Variants in CAPN13 observed in about 807,000 individuals in gnomAD.
CAPN13 encodes the protein calpain-13.
In CAPN13, 90 loss-of-function variants were observed where a neutral mutation model predicts 98.4. The observed-to-expected ratio is 0.92, with a 90% CI of 0.77 to 1.09. CAPN13 has a LOEUF of 1.09. Among genes scored for constraint, CAPN13 ranks in the 50% least tolerant of loss-of-function variants. The probability of loss-of-function intolerance (pLI) is 0.00; values close to 1 mark genes in which losing one functional copy is unlikely to be tolerated. For synonymous variants in CAPN13, 330 were observed against 305.5 expected, an observed-to-expected ratio of 1.08 and a Z score of -0.84; for missense variants, 887 against 841.3, an observed-to-expected ratio of 1.05 and a Z score of -0.67.
chr2:30,782,347 G>A (rs1256682896), intron 2 of CAPN13, among the ~76,000 whole-genome samples: 2 of 152,242 alleles, frequency 1.3e-5, no homozygotes, highest in African/African-American at 2.4e-5. Context: ...TGGGACAGGT[G>A]TCAGCGTCAC....
chr2:30,732,428 G>A lies in CAPN13; in HGVS notation c.1927+10C>T. ...CCAAGGTCTCTGGGATGCCCCTTGG[G>A]GACACTTACTTGCCATGGCTTCAAG... On this transcript the variant is annotated intron_variant, in intron 20 of 22. Coordinates refer to ENST00000295055, the MANE Select transcript of CAPN13 (RefSeq NM_144575.3). 1 of 1,613,020 alleles carries A rather than the reference G, an allele frequency of 6.2e-7. No individual in the cohort carries two copies. The highest frequency in any genetic ancestry group is 8.5e-7 in the Non-Finnish European group (1 of 1,179,774).
Position 30,790,963 on chromosome 2 carries a change from G to A in CAPN13, c.-32-3606C>T, listed in dbSNP as rs966695195. On this transcript the variant is annotated intron_variant, in intron 1 of 22. Coordinates refer to ENST00000295055, the MANE Select transcript of CAPN13 (RefSeq NM_144575.3). ...TCCTCACTTTTATGATCTCTTTTAAGCTTAATTGCCTCTTAAAGACCTTAT... is the reference window on the plus strand; with the variant it reads ...TCCTCACTTTTATGATCTCTTTTAAACTTAATTGCCTCTTAAAGACCTTAT... Among the ~76,000 whole-genome samples the A allele has an allele frequency of 5.3e-5, 8 of 152,006 alleles. 1 individual carries two copies. Among genetic ancestry groups the A allele is most frequent in the Admixed American group, 5.2e-4 (8 of 15,248 alleles).
chr2:30,763,207 A>G, intron 6 of CAPN13, 51 bp from the exon 7 acceptor site: 1 of 1,528,640 alleles, frequency 6.5e-7, no homozygotes, highest in South Asian at 1.2e-5. Context: ...GGTTCTTCAA[A>G]GAAATAGAAA....
chr2:30,792,486 A>G (rs1450551778), intron 1 of CAPN13, among the ~76,000 whole-genome samples: 2 of 152,124 alleles, frequency 1.3e-5, no homozygotes, highest in East Asian at 3.8e-4. Flanking sequence ...CTTGAAAAAT[A>G]CAATTTATCA....
intron 11 of CAPN13, chr2:30,746,589 C>A: frequency 1.1e-5 from 2 of 190,444 alleles, no homozygotes; most frequent in South Asian, 1.1e-4. Context: ...ACACATCTCC[C>A]CATGCTTGTG....
At chr2:30,767,520 A>C (rs890474779) in intron 5 of CAPN13, among the ~76,000 whole-genome samples, 1 of 152,150 alleles carries the variant, frequency 6.6e-6, no homozygotes, top group African/African-American at 2.4e-5. Flanking sequence ...GTTTTTACAT[A>C]AGGATAAAAC....
intron 2 of CAPN13, among the ~76,000 whole-genome samples, chr2:30,781,463 C>T (rs1572863786): frequency 6.6e-6 from 1 of 152,328 alleles, no homozygotes; most frequent in Non-Finnish European, 1.5e-5. Flanking sequence ...GGTGCTTCCA[C>T]ATGACTTTAA....
At chr2:30,751,397 C>G in intron 10 of CAPN13, 146 bp from the exon 11 acceptor site, 1 of 808,910 alleles carries the variant, frequency 1.2e-6, no homozygotes, top group Non-Finnish European at 1.9e-6. Flanking sequence ...CCCACAGTTA[C>G]TACTTGAGAA....
intron 2 of CAPN13, among the ~76,000 whole-genome samples, chr2:30,784,110 G>A (rs1365530476): frequency 2.0e-5 from 3 of 152,100 alleles, no homozygotes; most frequent in Admixed American, 1.3e-4. Flanking sequence ...AACCCAGGAG[G>A]TGGAGGTTGC....
At chr2:30,733,078 G>A (rs1671185615) in intron 19 of CAPN13, among the ~76,000 whole-genome samples, 1 of 152,168 alleles carries the variant, frequency 6.6e-6, no homozygotes, top group South Asian at 2.1e-4. Context: ...AGGCAGGCAG[G>A]AGCTCAGCGC....
intron 13 of CAPN13, 24 bp from the exon 14 acceptor site, chr2:30,742,383 A>T: frequency 6.3e-7 from 1 of 1,599,234 alleles, no homozygotes; most frequent in South Asian, 1.1e-5. Flanking sequence ...GGACAGTGTG[A>T]CAAAGATGAC....
intron 13 of CAPN13, among the ~76,000 whole-genome samples, chr2:30,742,602 T>C (rs1406103547): frequency 6.6e-6 from 1 of 152,188 alleles, no homozygotes; most frequent in East Asian, 1.9e-4. Context: ...CGATACACAC[T>C]TCCAGCAACC....
intron 5 of CAPN13, 131 bp from the exon 6 acceptor site, chr2:30,764,437 C>T: frequency 5.4e-6 from 5 of 922,878 alleles, no homozygotes; most frequent in Non-Finnish European, 8.1e-6. Context: ...CATGGCCACC[C>T]ACCTCCCCTT....
At chr2:30,733,847 C>T (rs1246336812) in intron 19 of CAPN13, among the ~76,000 whole-genome samples, 1 of 152,152 alleles carries the variant, frequency 6.6e-6, no homozygotes, top group Non-Finnish European at 1.5e-5. Context: ...CACCCATTTT[C>T]CCCATTGGGA....
intron 1 of CAPN13, among the ~76,000 whole-genome samples, chr2:30,791,980 C>A (rs1408873522): frequency 1.3e-5 from 2 of 152,130 alleles, no homozygotes; most frequent in African/African-American, 4.8e-5. Context: ...TTTATTGCCC[C>A]GGTTTCTCTC....
chr2:30,753,786 A>C (rs7578066), intron 9 of CAPN13, among the ~76,000 whole-genome samples: 10,074 of 152,180 alleles, frequency 0.066, 614 homozygotes, highest in African/African-American at 0.16. Flanking sequence ...AGGAATGTAC[A>C]CGTCATGCTC....
Position 30,753,768 on chromosome 2 carries a change from A to G in CAPN13, c.941+522T>C, listed in dbSNP as rs143192569. Among the ~76,000 whole-genome samples, 58 of 152,124 alleles carry G rather than the reference A, an allele frequency of 3.8e-4. No individual in the cohort carries two copies. The East Asian group carries it at 0.011, about 28-fold the overall frequency. On this transcript the variant is annotated intron_variant, in intron 9 of 22. Coordinates refer to ENST00000295055, the MANE Select transcript of CAPN13 (RefSeq NM_144575.3). ...AATGCATCACTCCGTAAACCAGACA[A>G]CCCTCTGAGGAATGTACACGTCATG... is the stretch of plus-strand genomic sequence containing the variant.
chr2:30,731,318 GC>G, intron 21 of CAPN13, 25 bp downstream of exon 21: 2 of 1,593,982 alleles, frequency 1.3e-6, no homozygotes, highest in East Asian at 4.5e-5. Flanking sequence ...GACTGTGCCT[GC>G]CCCGGGGAGG....
chr2:30,758,261 C>A, intron 7 of CAPN13, 124 bp from the exon 8 acceptor site: 2 of 648,880 alleles, frequency 3.1e-6, no homozygotes, highest in Admixed American at 3.4e-5. Flanking sequence ...TGGCTGCAGC[C>A]AGAAAAAAAA....
Sources: gnomAD v4.1 joint callset for allele counts (sites outside exome capture counted in the v4.1 genomes callset) on GRCh38, gnomAD v4.1.1 for gene constraint, MANE v1.5 for transcripts, NCBI Gene and HGNC (gene_info 2026-07-23, HGNC 2026-07-21) for gene names.